NUP210L: variants seen among roughly 807,000 people sequenced by gnomAD.
NUP210L encodes nucleoporin 210 like, also known as nuclear pore membrane glycoprotein 210-like.
In NUP210L, 74 loss-of-function variants were observed where a neutral mutation model predicts 208.5. The ratio of observed to expected loss-of-function variants is 0.35; its 90% CI spans 0.29 to 0.43. The LOEUF (loss-of-function observed/expected upper bound fraction) is 0.43. Among genes scored for constraint, NUP210L ranks in the 20% least tolerant of loss-of-function variants. NUP210L has a pLI of 1.00. For synonymous variants in NUP210L, 780 were observed against 816.9 expected (o/e 0.95, Z 0.77); for missense variants, 1,843 against 2,289.4 (o/e 0.81, Z 3.98).
At chr1:154,096,006 T>C (rs1219770099) in intron 14 of NUP210L, among the ~76,000 whole-genome samples, 1 of 152,200 alleles carries the variant, frequency 6.6e-6, no homozygotes, top group Non-Finnish European at 1.5e-5. Flanking sequence ...GCAGGTTTGT[T>C]ACCTAGGTAT....
chr1:154,103,857 T>C (rs1656611123), intron 13 of NUP210L, among the ~76,000 whole-genome samples, 155 bp downstream of exon 13: 1 of 152,150 alleles, frequency 6.6e-6, no homozygotes, highest in African/African-American at 2.4e-5. Context: ...TAAAGTATTA[T>C]AAAGAAAAGT....
At chr1:154,004,073 T>G (rs1321292708) in intron 35 of NUP210L, among the ~76,000 whole-genome samples, 1 of 150,244 alleles carries the variant, frequency 6.7e-6, no homozygotes, top group African/African-American at 2.5e-5. Flanking sequence ...TGCCTGTTTT[T>G]TGTTTTTTTT....
chr1:154,151,780 C>T (rs1334734429), intron 2 of NUP210L, among the ~76,000 whole-genome samples: 1 of 151,930 alleles, frequency 6.6e-6, no homozygotes, highest in African/African-American at 2.4e-5. Context: ...AAAGCAAGAC[C>T]CTGTCTCTAA....
chr1:154,058,563 A>G lies in NUP210L; in HGVS notation c.2979+2T>C. Reference sequence around the variant, plus strand: ...TTCTGAGATAAAACAAACATGTCTCACCTTATCAATCAGATCAAGCTCCAG... The same window carrying G: ...TTCTGAGATAAAACAAACATGTCTCGCCTTATCAATCAGATCAAGCTCCAG... On this transcript the variant is annotated splice_donor_variant, in intron 21 of 39. Coordinates refer to ENST00000368559, the Ensembl canonical transcript of NUP210L. LOFTEE classifies it high-confidence loss of function. 1 of 1,610,950 alleles carries G rather than the reference A, an allele frequency of 6.2e-7. No individual in the cohort carries two copies. Among genetic ancestry groups the G allele is most frequent in the South Asian group, 1.1e-5 (1 of 90,394 alleles).
intron 4 of NUP210L, among the ~76,000 whole-genome samples, chr1:154,140,666 C>CAAAAAAAAAA (rs1434093544): frequency 9.8e-5 from 10 of 102,418 alleles, no homozygotes; most frequent in Admixed American, 3.0e-4. Context: ...GACTCCATCT[C>CAAAAAAAAAA]AAAAAAAAAA....
intron 15 of NUP210L, among the ~76,000 whole-genome samples, chr1:154,094,169 G>A (rs1029394658): frequency 2.0e-5 from 3 of 152,114 alleles, no homozygotes; most frequent in Admixed American, 2.0e-4. Context: ...TGTCATCCCA[G>A]CTACTCAGGA....
chr1:154,059,058 G>T (rs984823717), intron 20 of NUP210L, among the ~76,000 whole-genome samples: 4 of 152,180 alleles, frequency 2.6e-5, no homozygotes, highest in African/African-American at 9.7e-5. Context: ...AGCAAGGCTG[G>T]GCGTGGTGGC....
intron 2 of NUP210L, among the ~76,000 whole-genome samples, chr1:154,147,391 G>A (rs1659171876): frequency 6.6e-6 from 1 of 151,878 alleles, no homozygotes; most frequent in South Asian, 2.1e-4. Flanking sequence ...TCTCTGGAGT[G>A]CAGCAGTTTG....
intron 37 of NUP210L, among the ~76,000 whole-genome samples, chr1:153,997,693 G>GTTTT (rs34933362): frequency 1.7e-5 from 2 of 117,690 alleles, no homozygotes; most frequent in Non-Finnish European, 3.4e-5. Context: ...TACTGTATTT[G>GTTTT]TTTTTTTTTT....
At chr1:154,006,944 G>GTA (rs1421316044) in intron 35 of NUP210L, among the ~76,000 whole-genome samples, 2 of 97,828 alleles carry the variant, frequency 2.0e-5, no homozygotes, top group African/African-American at 7.3e-5. Context: ...GTGTGTGTGT[G>GTA]TGTATATATA....
chr1:154,003,848 C>T (rs1650349643), intron 35 of NUP210L, among the ~76,000 whole-genome samples: 1 of 152,112 alleles, frequency 6.6e-6, no homozygotes, highest in African/African-American at 2.4e-5. Flanking sequence ...ATCTTGCTTA[C>T]TCCTTCTCTG....
intron 10 of NUP210L, among the ~76,000 whole-genome samples, chr1:154,123,923 C>T (rs933031589): frequency 6.7e-6 from 1 of 149,896 alleles, no homozygotes; most frequent in African/African-American, 2.5e-5. Context: ...GTGGCTCATG[C>T]CTGTAATCCT....
At chr1:154,030,109 C>G in intron 27 of NUP210L, 55 bp from the exon 28 acceptor site, 1 of 1,272,280 alleles carries the variant, frequency 7.9e-7, no homozygotes, top group Non-Finnish European at 1.1e-6. Context: ...TGGTGTCCTT[C>G]CTTTTTTTTT....
intron 7 of NUP210L, among the ~76,000 whole-genome samples, chr1:154,131,938 TAGCTGGGATTACAGGCGTGC>T (rs1658278186): frequency 6.6e-6 from 1 of 151,982 alleles, no homozygotes; most frequent in Non-Finnish European, 1.5e-5. Context: ...TCCTCCCGAG[TAGCTGGGATTACAGGCGTGC>T]ATCACCACGC....
At chr1:154,028,304 C>T (rs769273759) in intron 28 of NUP210L, among the ~76,000 whole-genome samples, 16 of 152,080 alleles carry the variant, frequency 1.1e-4, no homozygotes, top group African/African-American at 1.9e-4. Context: ...GGACTTATAT[C>T]GGCTGGACGC....
At chr1:154,037,262 G>A (rs1194593826) in intron 27 of NUP210L, among the ~76,000 whole-genome samples, 1 of 152,142 alleles carries the variant, frequency 6.6e-6, no homozygotes, top group Non-Finnish European at 1.5e-5. Flanking sequence ...TGGATGACCT[G>A]TCCAATGCTG....
intron 14 of NUP210L, among the ~76,000 whole-genome samples, chr1:154,096,082 C>T (rs1656167305): frequency 6.6e-6 from 1 of 152,150 alleles, no homozygotes; most frequent in African/African-American, 2.4e-5. Flanking sequence ...TCTCCTAATG[C>T]TATCCATTCC....
chr1:154,036,366 CTTTT>C (rs34750631), intron 27 of NUP210L, among the ~76,000 whole-genome samples: 2 of 65,442 alleles, frequency 3.1e-5, no homozygotes, highest in African/African-American at 1.0e-4. Context: ...GTGTGTATAA[CTTTT>C]TTTTTTTTTT....
At chr1:153,999,294 A>G (rs997369497) in intron 37 of NUP210L, among the ~76,000 whole-genome samples, 2 of 152,326 alleles carry the variant, frequency 1.3e-5, no homozygotes, top group Non-Finnish European at 2.9e-5. Context: ...TTTCGTAACT[A>G]TTCCCATCCT....
Sources: gnomAD v4.1 joint callset for allele counts (sites outside exome capture counted in the v4.1 genomes callset) on GRCh38, gnomAD v4.1.1 for gene constraint, MANE v1.5 for transcripts, NCBI Gene and HGNC (gene_info 2026-07-23, HGNC 2026-07-21) for gene names.